Variants in CUBN observed in about 807,000 individuals in gnomAD.
The protein encoded by CUBN is 460 kDa receptor.
In CUBN, 282 loss-of-function variants were observed where a neutral mutation model predicts 405.3. That is an observed-to-expected ratio of 0.70 (90% CI 0.63 to 0.77). The LOEUF (loss-of-function observed/expected upper bound fraction) is 0.77, where lower values mean the gene tolerates loss of function less well. CUBN is among the 30% of genes least tolerant of loss of function. The probability of loss-of-function intolerance (pLI) is 0.00; values close to 1 mark genes in which losing one functional copy is unlikely to be tolerated. For missense variants in CUBN, 4,514 were observed against 4,475.2 expected (o/e 1.01, Z -0.25); for synonymous variants, 1,684 against 1,617.0 (o/e 1.04, Z -0.99).
At chr10:16,880,771 G>A (rs1260746287) in intron 56 of CUBN, among the ~76,000 whole-genome samples, 1 of 152,174 alleles carries the variant, frequency 6.6e-6, no homozygotes, top group East Asian at 1.9e-4. Flanking sequence ...CAGAAATCTT[G>A]AGGTATCAAT....
chr10:16,944,635 A>G (rs1043207808), intron 36 of CUBN, among the ~76,000 whole-genome samples: 2 of 152,256 alleles, frequency 1.3e-5, no homozygotes, highest in Non-Finnish European at 2.9e-5. Flanking sequence ...CTTGCAGCCT[A>G]AAACGTCCAT....
At chr10:16,909,386 T>A (rs1030241766) in intron 48 of CUBN, among the ~76,000 whole-genome samples, 3 of 152,186 alleles carry the variant, frequency 2.0e-5, no homozygotes, top group Middle Eastern at 3.2e-3. Context: ...CAGATAACAG[T>A]ATCCCTGTTT....
intron 28 of CUBN, among the ~76,000 whole-genome samples, chr10:16,993,636 A>G (rs985355512): frequency 2.0e-5 from 3 of 151,726 alleles, no homozygotes; most frequent in South Asian, 2.1e-4. Flanking sequence ...ACATATATGT[A>G]TGCTTCTTAA....
Position 16,928,239 on chromosome 10 carries a change from C to T in CUBN, c.6189G>A (p.Arg2063=). 1 of 1,613,926 alleles carries T rather than the reference C, an allele frequency of 6.2e-7. No homozygotes were observed. The highest frequency in any genetic ancestry group is 1.7e-4 in the Middle Eastern group (1 of 6,060). ...GGATGAACATGTACTCTCCAGTAGA[C>T]CGGATGGGCCCAGGGATCTCTCTGC... is the stretch of plus-strand genomic sequence containing the variant. ...LCGREIPGPI[R]STGEYMFIRF... The change falls in exon 41 of 67, where the codon CGG becomes CGA. Residue 2063 remains arginine (R), a synonymous_variant. Transcript: ENST00000377833.
chr10:16,834,233 G>A (rs986847247), intron 64 of CUBN, among the ~76,000 whole-genome samples: 15 of 152,130 alleles, frequency 9.9e-5, no homozygotes, highest in African/African-American at 3.6e-4. Flanking sequence ...GAGCGATGAT[G>A]TTCATGTTCC....
rs146489189 is a variant in CUBN, at chr10:16,988,168, A to G, written c.4350+2166T>C. Among the ~76,000 whole-genome samples the G allele has an allele frequency of 3.9e-5, 6 of 152,310 alleles. No individual in the cohort carries two copies. In the East Asian group the frequency reaches 1.2e-3, roughly 29 times the overall value. On this transcript the variant is annotated intron_variant, in intron 29 of 66. Coordinates refer to ENST00000377833, the MANE Select transcript of CUBN (RefSeq NM_001081.4). Reference sequence around the variant, plus strand: ...CCGAAACACAATTGGCCCATTTATAATTTGCCAAGTGGGCAACAATCACAT... The same window carrying G: ...CCGAAACACAATTGGCCCATTTATAGTTTGCCAAGTGGGCAACAATCACAT...
chr10:16,951,474 C>T (rs918258877), intron 33 of CUBN, among the ~76,000 whole-genome samples: 3 of 152,184 alleles, frequency 2.0e-5, no homozygotes, highest in African/African-American at 7.2e-5. Flanking sequence ...AACTTAAAGA[C>T]TTTCCTACAT....
intron 59 of CUBN, among the ~76,000 whole-genome samples, chr10:16,867,486 A>G (rs1057495602): frequency 3.9e-5 from 6 of 152,248 alleles, no homozygotes; most frequent in Non-Finnish European, 8.8e-5. Flanking sequence ...GCTTTGTAAG[A>G]CCACTGCAAT....
At position 16,888,296 on chromosome 10, in the gene CUBN, T is replaced by C. The variant is rs142977541; in HGVS notation, c.8905+121A>G. On this transcript the variant is annotated intron_variant, in intron 56 of 66. Transcript: ENST00000377833. ...TGCTAAGTAAGTGAGTGAGCAGACA[T>C]GTTAATTAACTGGATTTAGCCACTC... 2.7e-5 allele frequency: 21 copies of C among 790,682 alleles called. No individual in the cohort carries two copies. The East Asian group carries it at 5.4e-4, about 20-fold the overall frequency. 49.0% of individuals were successfully genotyped at this position (790,682 alleles called of 1,614,324 possible).
At chr10:16,930,599 A>G (rs1180482072) in intron 40 of CUBN, among the ~76,000 whole-genome samples, 2 of 152,212 alleles carry the variant, frequency 1.3e-5, no homozygotes, top group Non-Finnish European at 2.9e-5. Context: ...GGACCAATGT[A>G]GTTTCATGGA....
At chr10:17,079,616 A>G (rs1008249287) in intron 17 of CUBN, among the ~76,000 whole-genome samples, 1 of 152,092 alleles carries the variant, frequency 6.6e-6, no homozygotes, top group African/African-American at 2.4e-5. Flanking sequence ...CTGACCTACA[A>G]TTAATTTCAA....
intron 13 of CUBN, 79 bp from the exon 14 acceptor site, chr10:17,100,318 A>G: frequency 1.1e-6 from 1 of 945,296 alleles, no homozygotes; most frequent in South Asian, 1.4e-5. Context: ...CCTAGGCAGC[A>G]TTCATACTGA....
intron 47 of CUBN, among the ~76,000 whole-genome samples, chr10:16,914,277 G>A (rs1390506947): frequency 6.6e-6 from 1 of 152,054 alleles, no homozygotes. Context: ...TAAGAATCAG[G>A]AAAATCGGGC....
chr10:16,874,104 T>C (rs1196434108), intron 58 of CUBN, among the ~76,000 whole-genome samples: 2 of 152,254 alleles, frequency 1.3e-5, no homozygotes, highest in East Asian at 1.9e-4. Flanking sequence ...TGACAATCCA[T>C]GTTATGATGC....
At chr10:17,036,751 TG>T (rs1305833376) in intron 27 of CUBN, among the ~76,000 whole-genome samples, 3 of 152,002 alleles carry the variant, frequency 2.0e-5, no homozygotes, top group African/African-American at 7.3e-5. Flanking sequence ...AAGAAAGAGG[TG>T]ATTATAATAA....
intron 22 of CUBN, among the ~76,000 whole-genome samples, chr10:17,057,597 G>A (rs1467256756): frequency 6.6e-6 from 1 of 151,990 alleles, no homozygotes; most frequent in African/African-American, 2.4e-5. Flanking sequence ...TCTACTCCTA[G>A]GTATTTTACG....
intron 58 of CUBN, among the ~76,000 whole-genome samples, chr10:16,874,145 C>T (rs1446230375): frequency 6.6e-6 from 1 of 152,148 alleles, no homozygotes; most frequent in African/African-American, 2.4e-5. Context: ...ACTATAACGA[C>T]TGTTTTAACT....
intron 13 of CUBN, among the ~76,000 whole-genome samples, chr10:17,100,682 C>T (rs1432056130): frequency 6.6e-6 from 1 of 152,188 alleles, no homozygotes; most frequent in Non-Finnish European, 1.5e-5. Flanking sequence ...AACACACAGA[C>T]GTTCATCACT....
intron 45 of CUBN, among the ~76,000 whole-genome samples, chr10:16,917,546 T>C (rs1027656252): frequency 6.6e-5 from 10 of 152,166 alleles, no homozygotes; most frequent in African/African-American, 2.4e-4. Context: ...TGGGCCTCTG[T>C]TTACCAAGGG....
Sources: gnomAD v4.1 joint callset for allele counts (sites outside exome capture counted in the v4.1 genomes callset) on GRCh38, gnomAD v4.1.1 for gene constraint, MANE v1.5 for transcripts, NCBI Gene and HGNC (gene_info 2026-07-23, HGNC 2026-07-21) for gene names.